OTUD7A: variants seen among roughly 807,000 people sequenced by gnomAD.
The protein encoded by OTUD7A is OTU domain-containing protein 7A.
A neutral mutation model predicts 65.7 loss-of-function variants in OTUD7A; 12 were observed. That is an observed-to-expected ratio of 0.18 (90% CI 0.12 to 0.30). The LOEUF is 0.30. Ranked by LOEUF, OTUD7A falls within the 10% of genes least tolerant of loss-of-function variation. The pLI is 1.00. For missense variants in OTUD7A, 1,148 were observed against 1,304.8 expected, an observed-to-expected ratio of 0.88 and a Z score of 1.85; for synonymous variants, 641 against 586.3, an observed-to-expected ratio of 1.09 and a Z score of -1.35.
chr15:31,535,738 G>A (rs943452235), intron 5 of OTUD7A, among the ~76,000 whole-genome samples: 13 of 147,904 alleles, frequency 8.8e-5, no homozygotes, highest in African/African-American at 2.3e-4. Context: ...GTGCAGTGGC[G>A]CGATCTTGGC....
chr15:31,655,029 A>T, intron 3 of OTUD7A, 67 bp downstream of exon 3: 1 of 1,551,920 alleles, frequency 6.4e-7, no homozygotes, highest in Non-Finnish European at 8.7e-7. Flanking sequence ...CAGGTATTGG[A>T]AATCTTCTTA....
chr15:31,512,223 T>G (rs925890000), intron 8 of OTUD7A, among the ~76,000 whole-genome samples: 1 of 147,752 alleles, frequency 6.8e-6, no homozygotes, highest in African/African-American at 2.5e-5. Flanking sequence ...TGAGGAATTG[T>G]TTTTTTTTTG....
intron 1 of OTUD7A, among the ~76,000 whole-genome samples, chr15:31,728,211 C>A (rs1184304849): frequency 6.6e-6 from 1 of 152,166 alleles, no homozygotes; most frequent in African/African-American, 2.4e-5. Context: ...AAACCAGTAT[C>A]CCGGGAGCCA....
intron 5 of OTUD7A, among the ~76,000 whole-genome samples, chr15:31,549,135 CAAA>C (rs568463366): frequency 1.2e-3 from 76 of 65,066 alleles, no homozygotes; most frequent in African/African-American, 2.9e-3. Context: ...GGCCTTGTCT[CAAA>C]AAAAAAAAAA....
intron 1 of OTUD7A, among the ~76,000 whole-genome samples, chr15:31,799,358 C>G (rs1595777660): frequency 6.6e-6 from 1 of 152,198 alleles, no homozygotes; most frequent in South Asian, 2.1e-4. Flanking sequence ...AGTGGTGGAT[C>G]TGGGGCTATG....
chr15:31,786,983 A>C (rs1449658654), intron 1 of OTUD7A, among the ~76,000 whole-genome samples: 1 of 152,190 alleles, frequency 6.6e-6, no homozygotes, highest in African/African-American at 2.4e-5. Flanking sequence ...GTTTAGCTCT[A>C]GGTATGTTTT....
intron 8 of OTUD7A, among the ~76,000 whole-genome samples, chr15:31,512,219 ATTG>A (rs1430495023): frequency 6.6e-6 from 1 of 151,496 alleles, no homozygotes; most frequent in African/African-American, 2.4e-5. Flanking sequence ...TATGTGAGGA[ATTG>A]TTTTTTTTTT....
intron 1 of OTUD7A, among the ~76,000 whole-genome samples, chr15:31,777,999 G>A (rs187190489): frequency 5.1e-4 from 77 of 152,250 alleles, no homozygotes; most frequent in African/African-American, 1.6e-3. Context: ...CTTAGACACG[G>A]TTCTGGTGGC....
At chr15:31,811,287 T>C (rs1389595359) in intron 1 of OTUD7A, among the ~76,000 whole-genome samples, 1 of 151,964 alleles carries the variant, frequency 6.6e-6, no homozygotes, top group Non-Finnish European at 1.5e-5. Context: ...TGAGACCTTT[T>C]GGTTGATTTG....
chr15:31,617,626 G>C (rs1890632843), intron 3 of OTUD7A, among the ~76,000 whole-genome samples: 1 of 152,160 alleles, frequency 6.6e-6, no homozygotes. Context: ...GCACAGGAAA[G>C]ACTAACCTAA....
At chr15:31,603,848 C>T (rs1484218894) in intron 3 of OTUD7A, among the ~76,000 whole-genome samples, 1 of 152,170 alleles carries the variant, frequency 6.6e-6, no homozygotes, top group East Asian at 1.9e-4. Flanking sequence ...AAAAAAAGCT[C>T]ATCATCACTG....
rs1179943358 is a variant in OTUD7A, at chr15:31,650,548, TCA to T, written c.151+4546_151+4547del. Among the ~76,000 whole-genome samples, 4 of 128,500 alleles carry T rather than the reference TCA, an allele frequency of 3.1e-5. 1 individual carries two copies. Among genetic ancestry groups the T allele is most frequent in the Non-Finnish European group, 6.4e-5 (4 of 62,930 alleles). The allele number at this position is 128,500 out of a possible 152,430, so 84.3% of individuals were successfully genotyped here. On this transcript the variant is annotated intron_variant, in intron 3 of 12. Transcript: ENST00000307050. ...CGCTTGTGCCAGACAGATCCACATC[TCA>T]CAGACTCACAGCAACCACAATCCAC...
intron 1 of OTUD7A, among the ~76,000 whole-genome samples, chr15:31,823,481 A>G (rs537102517): frequency 6.6e-6 from 1 of 152,360 alleles, no homozygotes; most frequent in South Asian, 2.1e-4. Flanking sequence ...ATTTTAAAAG[A>G]GCTAAAATTA....
chr15:31,761,413 A>G (rs1207644277), intron 1 of OTUD7A, among the ~76,000 whole-genome samples: 1 of 152,210 alleles, frequency 6.6e-6, no homozygotes, highest in African/African-American at 2.4e-5. Context: ...CAATAATCAC[A>G]TGAAAAGATA....
intron 1 of OTUD7A, among the ~76,000 whole-genome samples, chr15:31,852,795 G>C (rs1164290226): frequency 1.3e-5 from 2 of 152,200 alleles, no homozygotes; most frequent in Admixed American, 6.5e-5. Flanking sequence ...TTATCACTTA[G>C]AAATTACAGC....
In OTUD7A at chr15:31,484,305, C is replaced by T. The variant is rs771533164; in HGVS notation, c.1791G>A (p.Ser597=). ...ACGCGCCCGCTGCCTTGTCTGTGGG[C>T]GACGGCGTGGTCTTTTCCGACGGCG... is the stretch of plus-strand genomic sequence containing the variant. ...STSPSEKTTP[S]PTDKAAGASP... is the part of the protein sequence containing the mutation. The change falls in exon 13 of 13, where the codon TCG becomes TCA. Residue 597 remains serine (S), a synonymous_variant. Transcript: ENST00000307050. This position sits in a 1 kb window ranked among gnomAD's most constrained non-coding sequence, Gnocchi z 4.5. 13 of 1,595,970 alleles carry T rather than the reference C, an allele frequency of 8.1e-6. No homozygotes were observed. Among genetic ancestry groups the T allele is most frequent in the Non-Finnish European group, 1.1e-5 (13 of 1,176,400 alleles).
chr15:31,626,130 C>T (rs1281367520), intron 3 of OTUD7A, among the ~76,000 whole-genome samples: 3 of 152,094 alleles, frequency 2.0e-5, no homozygotes, highest in Non-Finnish European at 2.9e-5. Context: ...TGTGTCTATT[C>T]GTCAATACCT....
chr15:31,691,111 A>C (rs1243149661), intron 1 of OTUD7A, among the ~76,000 whole-genome samples: 1 of 152,246 alleles, frequency 6.6e-6, no homozygotes, highest in Non-Finnish European at 1.5e-5. Context: ...AAATGGAAAG[A>C]TATCCCATGC....
At position 31,574,967 on chromosome 15, in the gene OTUD7A, C is replaced by T. The variant is rs1456948043; in HGVS notation, c.152-4770G>A. Among the ~76,000 whole-genome samples, 3 of 152,164 alleles carry T rather than the reference C, an allele frequency of 2.0e-5. No homozygotes were observed. The East Asian group carries it at 5.8e-4, about 29-fold the overall frequency. Reference sequence around the variant, plus strand: ...CTAGCCAACCCTCAACCAGCTTAGCCTGCTTGCCGTGCCCTGCCCAATCCT... The same window carrying T: ...CTAGCCAACCCTCAACCAGCTTAGCTTGCTTGCCGTGCCCTGCCCAATCCT... On this transcript the variant is annotated intron_variant, in intron 3 of 12. Transcript: ENST00000307050.
Sources: allele counts gnomAD v4.1 joint callset (sites outside exome capture counted in the v4.1 genomes callset), GRCh38; gene constraint gnomAD v4.1.1; non-coding constraint Gnocchi (gnomAD v3.1); transcripts MANE v1.5; gene names NCBI Gene and HGNC (gene_info 2026-07-23, HGNC 2026-07-21).